ATP2A2: variants seen among roughly 807,000 people sequenced by gnomAD.
The protein encoded by ATP2A2 is ATPase sarcoplasmic/endoplasmic reticulum Ca2+ transporting 2.
ATP2A2 carries 14 observed loss-of-function variants against 109.3 expected under a neutral mutation model. That is an observed-to-expected ratio of 0.13 (90% CI 0.08 to 0.20). ATP2A2 has a LOEUF of 0.20. ATP2A2 is among the 10% of genes least tolerant of loss of function. The pLI is 1.00. For missense variants in ATP2A2, 657 were observed against 1,321.6 expected, an observed-to-expected ratio of 0.50 and a Z score of 7.80; for synonymous variants, 506 against 490.9, an observed-to-expected ratio of 1.03 and a Z score of -0.41.
chr12:110,342,513 C>T lies in ATP2A2; in HGVS notation c.2318+65C>T. The T allele has an allele frequency of 6.5e-7, 1 of 1,546,128 alleles. No homozygotes were observed. Among genetic ancestry groups the T allele is most frequent in the Non-Finnish European group, 8.9e-7 (1 of 1,129,008 alleles). ...TCTAAATGGGTCATGGAGCCCAGTTCTCGCAGTTTGCTCTCCAGATTGCAG... is the reference window on the plus strand; with the variant it reads ...TCTAAATGGGTCATGGAGCCCAGTTTTCGCAGTTTGCTCTCCAGATTGCAG... On this transcript the variant is annotated intron_variant, in intron 15 of 19. Coordinates refer to ENST00000539276, the MANE Select transcript of ATP2A2 (RefSeq NM_170665.4). The surrounding 1 kb of genome is among the most constrained non-coding windows in gnomAD (Gnocchi z 4.6).
intron 6 of ATP2A2, chr12:110,326,090 C>A: frequency 2.4e-6 from 1 of 420,442 alleles, no homozygotes. Flanking sequence ...AAAATGATTA[C>A]TGAAAAATAA....
At chr12:110,299,837 T>G (rs1024717019) in intron 5 of ATP2A2, among the ~76,000 whole-genome samples, 8 of 151,802 alleles carry the variant, frequency 5.3e-5, no homozygotes, top group Non-Finnish European at 1.0e-4. Context: ...TGCTCAGGCT[T>G]GTCTCTCAAA....
At chr12:110,309,483 A>G (rs904470720) in intron 5 of ATP2A2, among the ~76,000 whole-genome samples, 1 of 152,158 alleles carries the variant, frequency 6.6e-6, no homozygotes, top group Non-Finnish European at 1.5e-5. Context: ...ATATGTTGCT[A>G]TACCAGCTAA....
chr12:110,318,513 C>CT (rs1342840990), intron 5 of ATP2A2, among the ~76,000 whole-genome samples: 1 of 152,102 alleles, frequency 6.6e-6, no homozygotes, highest in East Asian at 1.9e-4. Flanking sequence ...GAGTCTCGCC[C>CT]TTTCACCCAG....
At position 110,282,803 on chromosome 12, in the gene ATP2A2, T is replaced by TA. The variant is rs750221249; in HGVS notation, c.219+15dup. The stretch of plus-strand genomic sequence containing the variant: ...GCAGCATGTATATCTTTTGTAAGTA[T>TA]AAAAAAATTTATTTTCTTTCCCCCC... On this transcript the variant is annotated intron_variant, in intron 3 of 19. Coordinates refer to ENST00000539276, the MANE Select transcript of ATP2A2 (RefSeq NM_170665.4). 3.7e-6 allele frequency: 6 copies of TA among 1,605,040 alleles called. No homozygotes were observed. The highest frequency in any genetic ancestry group is 1.1e-5 in the South Asian group (1 of 90,754).
At chr12:110,287,708 A>G (rs1872807939) in intron 3 of ATP2A2, among the ~76,000 whole-genome samples, 1 of 151,548 alleles carries the variant, frequency 6.6e-6, no homozygotes, top group Non-Finnish European at 1.5e-5. Flanking sequence ...TCCACCTCCC[A>G]GCTTCAAGTG....
intron 5 of ATP2A2, among the ~76,000 whole-genome samples, chr12:110,297,985 TTCACTTAGAGAG>T (rs1874150661): frequency 6.6e-6 from 1 of 152,168 alleles, no homozygotes; most frequent in South Asian, 2.1e-4. Context: ...TTTTGGCTAT[TTCACTTAGAGAG>T]TCATTGCATA....
rs117740426 is a variant in ATP2A2 at position 110,350,072 on chromosome 12, C to T, written c.*3602C>T. 0.031 allele frequency: 44,103 copies of T among 1,438,356 alleles called. 809 individuals are homozygous for T. Among genetic ancestry groups the T allele is most frequent in the Middle Eastern group, 0.071 (277 of 3,884 alleles). 89.1% of individuals were successfully genotyped at this position (1,438,356 alleles called of 1,614,324 possible). A position where few individuals can be genotyped will look rare whatever the true frequency, so the allele number is the denominator to read the frequency against. On this transcript the variant is annotated 3_prime_UTR_variant, in exon 20 of 20. Transcript: ENST00000539276. ...GCCTTTATTCTGTAGCCAGACGACACGAGGAGTCTGTGTCACTGAGCCAGT... is the reference window on the plus strand; with the variant it reads ...GCCTTTATTCTGTAGCCAGACGACATGAGGAGTCTGTGTCACTGAGCCAGT...
At chr12:110,328,633 C>G (rs1274402614) in intron 8 of ATP2A2, among the ~76,000 whole-genome samples, 3 of 152,192 alleles carry the variant, frequency 2.0e-5, no homozygotes, top group East Asian at 3.8e-4. Context: ...AGTGACACAG[C>G]TGTGGCTCAC....
chr12:110,310,405 C>T (rs930291355), intron 5 of ATP2A2, among the ~76,000 whole-genome samples: 2 of 152,192 alleles, frequency 1.3e-5, no homozygotes, highest in African/African-American at 4.8e-5. Context: ...GGATTACAGG[C>T]ATGAGCCACC....
Position 110,292,137 on chromosome 12 carries a change from T to G in ATP2A2, c.324+13T>G, listed in dbSNP as rs759666577. 1.9e-6 allele frequency: 3 copies of G among 1,584,650 alleles called. No individual in the cohort carries two copies. In the South Asian group the frequency reaches 3.3e-5, roughly 18 times the overall value. Reference sequence around the variant, plus strand: ...GGGTGTATGGCAGGTAAGCAAAAATTCCTGTACTGCAAAATTTCAATAAGT... The same window carrying G: ...GGGTGTATGGCAGGTAAGCAAAAATGCCTGTACTGCAAAATTTCAATAAGT... On this transcript the variant is annotated intron_variant, in intron 4 of 19. Transcript: ENST00000539276.
chr12:110,311,281 C>G (rs1207038849), intron 5 of ATP2A2, among the ~76,000 whole-genome samples: 1 of 152,172 alleles, frequency 6.6e-6, no homozygotes, highest in Admixed American at 6.5e-5. Context: ...CACTGTGTCA[C>G]TCAGGCTGGT....
chr12:110,332,303 T>C (rs1878412232), intron 8 of ATP2A2: 2 of 409,420 alleles, frequency 4.9e-6, no homozygotes, highest in South Asian at 2.3e-5. Flanking sequence ...TTTGTGTGGG[T>C]TGTTGTGTCT....
At chr12:110,291,742 G>T (rs1873333511) in intron 3 of ATP2A2, among the ~76,000 whole-genome samples, 1 of 149,540 alleles carries the variant, frequency 6.7e-6, no homozygotes, top group Non-Finnish European at 1.5e-5. Flanking sequence ...GCCTCCCCAG[G>T]TTCAAGTGAT....
chr12:110,348,070 G>A lies in ATP2A2; in HGVS notation c.*1600G>A, dbSNP rs992286996. ...GACAAAAGCCGGAGTGGGGAGAGAG[G>A]CATTTCAGCCAGACCAACAGGCTGA... On this transcript the variant is annotated 3_prime_UTR_variant, in exon 20 of 20. Transcript: ENST00000539276. 2.2e-5 allele frequency: 22 copies of A among 986,360 alleles called. No individual in the cohort carries two copies. The South Asian group carries it at 8.0e-4, about 36-fold the overall frequency. The allele number at this position is 986,360 out of a possible 1,614,324, so 61.1% of individuals were successfully genotyped here. A position where few individuals can be genotyped will look rare whatever the true frequency, so the allele number is the denominator to read the frequency against.
At position 110,293,105 on chromosome 12, in the gene ATP2A2, C is replaced by A. The variant is rs368021348; in HGVS notation, c.324+981C>A. Among the ~76,000 whole-genome samples, 5 of 151,830 alleles carry A rather than the reference C, an allele frequency of 3.3e-5. No homozygotes were observed. The East Asian group carries it at 7.7e-4, about 23-fold the overall frequency. ...CTTTTTTTTGTTTTTGTTTTGAGAC[C>A]GACTCTCTGTCGCCCAGGCAGGAGT... On this transcript the variant is annotated intron_variant, in intron 4 of 19. Coordinates refer to ENST00000539276, the MANE Select transcript of ATP2A2 (RefSeq NM_170665.4).
intron 18 of ATP2A2, 93 bp from the exon 19 acceptor site, chr12:110,345,908 C>A (rs1227928431): frequency 1.6e-6 from 2 of 1,266,832 alleles, no homozygotes; most frequent in Admixed American, 3.4e-5. Context: ...TTAACAGCCG[C>A]CTTACTGAAG....
intron 6 of ATP2A2, among the ~76,000 whole-genome samples, chr12:110,323,802 T>C (rs564129214): frequency 6.6e-6 from 1 of 152,322 alleles, no homozygotes; most frequent in East Asian, 1.9e-4. Flanking sequence ...CAAAAAAAAG[T>C]TGTAATTTGT....
At chr12:110,292,570 A>G (rs576285198) in intron 4 of ATP2A2, among the ~76,000 whole-genome samples, 2 of 152,108 alleles carry the variant, frequency 1.3e-5, no homozygotes, top group East Asian at 1.9e-4. Context: ...TGCCCGGCCT[A>G]TTAATTTAAT....
Sources: gnomAD v4.1 joint callset for allele counts (sites outside exome capture counted in the v4.1 genomes callset) on GRCh38, gnomAD v4.1.1 for gene constraint, Gnocchi (gnomAD v3.1) non-coding constraint, MANE v1.5 for transcripts, NCBI Gene and HGNC (gene_info 2026-07-23, HGNC 2026-07-21) for gene names.